RNF112: variants seen among roughly 807,000 people sequenced by gnomAD.
RNF112 encodes the protein ring finger protein 112, also known as brain finger protein.
RNF112 carries 34 observed loss-of-function variants against 64.7 expected under a neutral mutation model. That is an observed-to-expected ratio of 0.53 (90% CI 0.40 to 0.70). The LOEUF (loss-of-function observed/expected upper bound fraction) is 0.70, where lower values mean the gene tolerates loss of function less well. Among genes scored for constraint, RNF112 ranks in the 30% least tolerant of loss-of-function variants. The pLI, the probability that RNF112 is intolerant of heterozygous loss-of-function variation, is 0.00. For synonymous variants in RNF112, 345 were observed against 344.5 expected (o/e 1.00, Z -0.02); for missense variants, 734 against 850.0 (o/e 0.86, Z 1.70).
chr17:19,413,500 G>C lies in RNF112; in HGVS notation c.721-77G>C. ...GGGTGAGGATAGAAGATGGGGATGGGACGGGGCAGGGTTGGGAAGAATGTG... is the reference window on the plus strand; with the variant it reads ...GGGTGAGGATAGAAGATGGGGATGGCACGGGGCAGGGTTGGGAAGAATGTG... On this transcript the variant is annotated intron_variant, in intron 5 of 13. Transcript: ENST00000461366. The surrounding 1 kb of genome is among the most constrained non-coding windows in gnomAD (Gnocchi z 5.9). 1.3e-6 allele frequency: 2 copies of C among 1,565,990 alleles called. No homozygotes were observed. Among genetic ancestry groups the C allele is most frequent in the Non-Finnish European group, 8.8e-7 (1 of 1,142,666 alleles).
chr17:19,416,497 T>G lies in RNF112; in HGVS notation c.*322T>G. On this transcript the variant is annotated 3_prime_UTR_variant, in exon 14 of 14. Transcript: ENST00000461366. ...ACTCCACCCTCCCCACCTGGCTCAT[T>G]TCCCCGATGACCCTGGATTGTAGGA... is the stretch of plus-strand genomic sequence containing the variant. 3 of 281,310 alleles carry G rather than the reference T, an allele frequency of 1.1e-5. No homozygotes were observed. The highest frequency in any genetic ancestry group is 1.3e-5 in the Non-Finnish European group (2 of 148,824). The allele number at this position is 281,310 out of a possible 1,614,324, so 17.4% of individuals were successfully genotyped here. A position where few individuals can be genotyped will look rare whatever the true frequency, so the allele number is the denominator to read the frequency against.
At position 19,416,040 on chromosome 17, in the gene RNF112, C is replaced by G. The variant is rs767990696; in HGVS notation, c.1761C>G (p.Ala587=). Residue 587 remains alanine, a synonymous_variant, in exon 14 of 14, where the codon GCC becomes GCG. Transcript: ENST00000461366. ...CTGGGATGGTGGCTGCTGGAGCTGCCGTGGGGGCCACAGGGGCCGCTGTGG... is the reference window on the plus strand; with the variant it reads ...CTGGGATGGTGGCTGCTGGAGCTGCGGTGGGGGCCACAGGGGCCGCTGTGG... ...AEAGMVAAGA[A]VGATGAAVVG... The G allele has an allele frequency of 6.5e-7, 1 of 1,550,214 alleles. No homozygotes were observed. Among genetic ancestry groups the G allele is most frequent in the Non-Finnish European group, 8.7e-7 (1 of 1,149,402 alleles).
At position 19,415,506 on chromosome 17, in the gene RNF112, TC is replaced by T. The variant is rs760680374; in HGVS notation, c.1351-9del. Reference sequence around the variant, plus strand: ...GGAAGGAAGGAGGCAGCCTGGGTTTTCCCGTGGACAGATGGCTGCTCAGCTG... The same window carrying T: ...GGAAGGAAGGAGGCAGCCTGGGTTTTCCGTGGACAGATGGCTGCTCAGCTG... On this transcript the variant is annotated splice_polypyrimidine_tract_variant and intron_variant, in intron 12 of 13. Transcript: ENST00000461366. This position sits in a 1 kb window ranked among gnomAD's most constrained non-coding sequence, Gnocchi z 7.8. The T allele has an allele frequency of 2.5e-6, 4 of 1,607,898 alleles. No individual in the cohort carries two copies. The highest frequency in any genetic ancestry group is 3.4e-6 in the Non-Finnish European group (4 of 1,177,410).
chr17:19,414,412 T>A (rs761647777), intron 7 of RNF112, 37 bp from the exon 8 acceptor site: 1 of 1,612,868 alleles, frequency 6.2e-7, no homozygotes, highest in Non-Finnish European at 8.5e-7. Flanking sequence ...GTCCTCAAAG[T>A]GGCCCAGCCC....
chr17:19,413,554 G>A lies in RNF112; in HGVS notation c.721-23G>A, dbSNP rs1471832715. 1.9e-6 allele frequency: 3 copies of A among 1,606,726 alleles called. No individual in the cohort carries two copies. The highest frequency in any genetic ancestry group is 1.7e-6 in the Non-Finnish European group (2 of 1,175,490). The stretch of plus-strand genomic sequence containing the variant: ...GAACAAGGCAGGCCTGGCCCCTTGG[G>A]TCTTTCCCTACCCCCTGCATAGGTG... On this transcript the variant is annotated intron_variant, in intron 5 of 13. Coordinates refer to ENST00000461366, the MANE Select transcript of RNF112 (RefSeq NM_007148.5). This position sits in a 1 kb window ranked among gnomAD's most constrained non-coding sequence, Gnocchi z 5.9.
In RNF112 at chr17:19,415,331, C is replaced by G; in HGVS notation, c.1342C>G (p.Pro448Ala). ...GAGGACAGGGCCCGGTTTCACCTCT[C>G]CGGATGAGGTATGAGCGCTGGGGGA... ...MGRTGPGFTS[P>A]DEMAAQLHDL... Residue 448 changes from proline to alanine, a missense_variant, in exon 12 of 14, where the codon CCG becomes GCG. By Grantham distance (27) the Pro-to-Ala change is conservative. Transcript: ENST00000461366. The surrounding 1 kb of genome is among the most constrained non-coding windows in gnomAD (Gnocchi z 7.8). 6.2e-7 allele frequency: 1 copy of G among 1,607,712 alleles called. No homozygotes were observed. The highest frequency in any genetic ancestry group is 1.3e-5 in the African/African-American group (1 of 74,820).
rs1452764193 is a variant in RNF112, at chr17:19,414,085, C to T, written c.826-10C>T. The T allele has an allele frequency of 3.1e-6, 5 of 1,599,748 alleles. No individual in the cohort carries two copies. Among genetic ancestry groups the T allele is most frequent in the African/African-American group, 1.3e-5 (1 of 74,816 alleles). ...TAATCTCTCATACATGTTGTTCTCT[C>T]TGATTCCAGATCCTCAGCACCTCCC... On this transcript the variant is annotated splice_polypyrimidine_tract_variant and intron_variant, in intron 6 of 13. Coordinates refer to ENST00000461366, the MANE Select transcript of RNF112 (RefSeq NM_007148.5).
intron 2 of RNF112, 165 bp downstream of exon 2, chr17:19,411,835 G>A: frequency 1.4e-6 from 1 of 721,674 alleles, no homozygotes. Flanking sequence ...GAAGCAGGTG[G>A]GTGCTGCAGG....
Position 19,413,735 on chromosome 17 carries a change from C to T in RNF112, c.825+54C>T. 2.4e-5 allele frequency: 33 copies of T among 1,350,594 alleles called. No individual in the cohort carries two copies. The highest frequency in any genetic ancestry group is 3.4e-5 in the Non-Finnish European group (33 of 977,708). 83.7% of individuals were successfully genotyped at this position (1,350,594 alleles called of 1,614,324 possible). ...CCACCCCACACACCCTTCTCCAGCT[C>T]AGCTTCCTCAAGGCCAGAGCATCTC... On this transcript the variant is annotated intron_variant, in intron 6 of 13. Coordinates refer to ENST00000461366, the MANE Select transcript of RNF112 (RefSeq NM_007148.5). This position sits in a 1 kb window ranked among gnomAD's most constrained non-coding sequence, Gnocchi z 5.9.
rs753667394 is a variant in RNF112 at position 19,412,990 on chromosome 17, C to CTGGGGGCCTCATCCTTAGGA, written c.443_462dup (p.Ile155SerfsTer12). Reference sequence around the variant, plus strand: ...CTGCTGCTGGTTCGCATCAATGCCTCTGGGGGCCTCATCCTTAGGATGGGG... The same window carrying CTGGGGGCCTCATCCTTAGGA: ...CTGCTGCTGGTTCGCATCAATGCCTCTGGGGGCCTCATCCTTAGGATGGGGGCCTCATCCTTAGGATGGGG... On this transcript the variant is annotated frameshift_variant, in exon 4 of 14. Coordinates refer to ENST00000461366, the MANE Select transcript of RNF112 (RefSeq NM_007148.5). LOFTEE classifies it high-confidence loss of function. The surrounding 1 kb of genome is among the most constrained non-coding windows in gnomAD (Gnocchi z 5.1). 1 of 1,609,750 alleles carries CTGGGGGCCTCATCCTTAGGA rather than the reference C, an allele frequency of 6.2e-7. No individual in the cohort carries two copies. The highest frequency in any genetic ancestry group is 1.7e-5 in the Admixed American group (1 of 59,480).
At position 19,415,605 on chromosome 17, in the gene RNF112, G is replaced by T. The variant is rs1219090733; in HGVS notation, c.1425+13G>T. Reference sequence around the variant, plus strand: ...TGTGAGGCAGCAGGTGAGCCCCGGGGCTGCACGGGAGGCAGGTGTGGGCCG... The same window carrying T: ...TGTGAGGCAGCAGGTGAGCCCCGGGTCTGCACGGGAGGCAGGTGTGGGCCG... On this transcript the variant is annotated intron_variant, in intron 13 of 13. Transcript: ENST00000461366. The surrounding 1 kb of genome is among the most constrained non-coding windows in gnomAD (Gnocchi z 7.8). 6.2e-7 allele frequency: 1 copy of T among 1,611,202 alleles called. No homozygotes were observed. Among genetic ancestry groups the T allele is most frequent in the Non-Finnish European group, 8.5e-7 (1 of 1,178,744 alleles).
chr17:19,414,855 G>A lies in RNF112; in HGVS notation c.1094G>A (p.Arg365Gln), dbSNP rs777327708. 7 of 1,613,688 alleles carry A rather than the reference G, an allele frequency of 4.3e-6. No individual in the cohort carries two copies. Among genetic ancestry groups the A allele is most frequent in the Admixed American group, 1.7e-5 (1 of 60,014 alleles). Residue 365 changes from arginine (R) to glutamine (Q), a missense_variant, in exon 10 of 14, where the codon CGG becomes CAG. Arg to Gln is a conservative substitution (Grantham distance 43, BLOSUM62 1). Coordinates refer to ENST00000461366, the MANE Select transcript of RNF112 (RefSeq NM_007148.5). ...RCCLLPAPGR[R>Q]RMNQGHASPG... is the part of the protein sequence containing the mutation. ...TGCCTCTTGCCTGCCCCAGGGAGGCGGCGGATGAACCAAGGCCATGCAAGC... is the reference window on the plus strand; with the variant it reads ...TGCCTCTTGCCTGCCCCAGGGAGGCAGCGGATGAACCAAGGCCATGCAAGC...
intron 7 of RNF112, 124 bp downstream of exon 7, chr17:19,414,269 G>T: frequency 8.9e-7 from 1 of 1,118,968 alleles, no homozygotes; most frequent in South Asian, 1.4e-5. Flanking sequence ...CAGGGTTGAA[G>T]GGGGAGGGTG....
chr17:19,412,116 C>T lies in RNF112; in HGVS notation c.96-382C>T, dbSNP rs565447438. Among the ~76,000 whole-genome samples, 41 of 152,328 alleles carry T rather than the reference C, an allele frequency of 2.7e-4. No homozygotes were observed. Among genetic ancestry groups the T allele is most frequent in the African/African-American group, 9.6e-4 (40 of 41,582 alleles). On this transcript the variant is annotated intron_variant, in intron 2 of 13. Transcript: ENST00000461366. The surrounding 1 kb of genome is among the most constrained non-coding windows in gnomAD (Gnocchi z 5.1). ...CCTCTCGGATGGCCACCCCAACGGC[C>T]CCATGAGGGGTATTGCTATCCTCTC... is the stretch of plus-strand genomic sequence containing the variant.
chr17:19,413,707 T>C lies in RNF112; in HGVS notation c.825+26T>C. On this transcript the variant is annotated intron_variant, in intron 6 of 13. Coordinates refer to ENST00000461366, the MANE Select transcript of RNF112 (RefSeq NM_007148.5). This position sits in a 1 kb window ranked among gnomAD's most constrained non-coding sequence, Gnocchi z 5.9. ...GTGATGGGGGGCGCTGATGTTGGCA[T>C]CCCCACCCCACACACCCTTCTCCAG... The C allele has an allele frequency of 6.6e-7, 1 of 1,508,798 alleles. No individual in the cohort carries two copies. Among genetic ancestry groups the C allele is most frequent in the Non-Finnish European group, 9.1e-7 (1 of 1,103,084 alleles). The allele number at this position is 1,508,798 out of a possible 1,614,324, so 93.5% of individuals were successfully genotyped here.
In RNF112 at chr17:19,413,304, A is replaced by G. The variant is rs1207030806; in HGVS notation, c.613A>G (p.Arg205Gly). 6.2e-7 allele frequency: 1 copy of G among 1,612,006 alleles called. No homozygotes were observed. Among genetic ancestry groups the G allele is most frequent in the Admixed American group, 1.7e-5 (1 of 59,898 alleles). The change falls in exon 5 of 14, where the codon AGA (arginine) becomes GGA (glycine). Residue 205 changes from arginine to glycine, a missense_variant. Physicochemically the swap from Arg to Gly is moderately radical, Grantham distance 125. Coordinates refer to ENST00000461366, the MANE Select transcript of RNF112 (RefSeq NM_007148.5). This position sits in a 1 kb window ranked among gnomAD's most constrained non-coding sequence, Gnocchi z 5.9. ...GLESGEGGRP[R>G]GGEASLQGCR... ...GGAGTCTGGTGAGGGCGGCCGGCCA[A>G]GAGGAGGAGAGGCATCCCTGCAGGG...
In RNF112 at chr17:19,416,044, G is replaced by A. The variant is rs1913882541; in HGVS notation, c.1765G>A (p.Gly589Arg). Reference protein sequence around the residue: ...AGMVAAGAAVGATGAAVVGGG... With the variant: ...AGMVAAGAAVRATGAAVVGGG... ...GATGGTGGCTGCTGGAGCTGCCGTG[G>A]GGGCCACAGGGGCCGCTGTGGTTGG... is the stretch of plus-strand genomic sequence containing the variant. The change falls in exon 14 of 14, where the codon GGG becomes AGG. Residue 589 changes from glycine to arginine, a missense_variant. By Grantham distance (125) the Gly-to-Arg change is moderately radical. Coordinates refer to ENST00000461366, the MANE Select transcript of RNF112 (RefSeq NM_007148.5). 1.9e-6 allele frequency: 3 copies of A among 1,553,222 alleles called. No individual in the cohort carries two copies. The highest frequency in any genetic ancestry group is 1.4e-5 in the African/African-American group (1 of 73,548).
chr17:19,414,382 CAGGCTTGGGGTGCACCAT>C, intron 7 of RNF112, 49 bp from the exon 8 acceptor site: 6 of 1,586,066 alleles, frequency 3.8e-6, no homozygotes, highest in Non-Finnish European at 5.2e-6. Flanking sequence ...GGTGGGGAGA[CAGGCTTGGGGTGCACCAT>C]AGTCCTCAAA....
chr17:19,413,333 C>T lies in RNF112; in HGVS notation c.642C>T (p.Cys214=). The T allele has an allele frequency of 6.2e-7, 1 of 1,613,312 alleles. No individual in the cohort carries two copies. Among genetic ancestry groups the T allele is most frequent in the Non-Finnish European group, 8.5e-7 (1 of 1,179,588 alleles). ...PRGGEASLQG[C]RWGANGLARG... ...GAGGAGAGGCATCCCTGCAGGGCTGCAGGTGGGGCGCCAATGGCCTCGCCA... is the reference window on the plus strand; with the variant it reads ...GAGGAGAGGCATCCCTGCAGGGCTGTAGGTGGGGCGCCAATGGCCTCGCCA... The change falls in exon 5 of 14, where the codon TGC becomes TGT. Residue 214 remains cysteine, a synonymous_variant. Coordinates refer to ENST00000461366, the MANE Select transcript of RNF112 (RefSeq NM_007148.5). The surrounding 1 kb of genome is among the most constrained non-coding windows in gnomAD (Gnocchi z 5.9).
Sources: allele counts gnomAD v4.1 joint callset (sites outside exome capture counted in the v4.1 genomes callset), GRCh38; gene constraint gnomAD v4.1.1; non-coding constraint Gnocchi (gnomAD v3.1); transcripts MANE v1.5; gene names NCBI Gene and HGNC (gene_info 2026-07-23, HGNC 2026-07-21).